The following TMEM161B variants were observed in gnomAD, a reference collection of about 807,000 sequenced individuals.
TMEM161B encodes the protein transmembrane protein 161B.
A neutral mutation model predicts 61.8 loss-of-function variants in TMEM161B; 34 were observed. The ratio of observed to expected loss-of-function variants is 0.55; its 90% CI spans 0.42 to 0.73. The LOEUF (loss-of-function observed/expected upper bound fraction) is 0.73. Ranked by LOEUF, TMEM161B falls within the 30% of genes least tolerant of loss-of-function variation. TMEM161B has a pLI of 0.00. For missense variants in TMEM161B, 456 were observed against 558.5 expected (o/e 0.82, Z 1.85); for synonymous variants, 167 against 192.8 (o/e 0.87, Z 1.11).
intron 9 of TMEM161B, chr5:88,202,336 A>T (rs1459005661): frequency 3.9e-6 from 1 of 259,412 alleles, no homozygotes; most frequent in Non-Finnish European, 7.8e-6. Context: ...ACAGTTGCCT[A>T]ACTGTAGAAA....
chr5:88,211,516 T>C (rs1157546998), intron 5 of TMEM161B, among the ~76,000 whole-genome samples: 1 of 151,242 alleles, frequency 6.6e-6, no homozygotes, highest in African/African-American at 2.4e-5. Context: ...TCCCAGCACT[T>C]TGGGAGGCTG....
chr5:88,229,683 G>A (rs1750658427), intron 2 of TMEM161B, among the ~76,000 whole-genome samples: 2 of 147,520 alleles, frequency 1.4e-5, no homozygotes, highest in South Asian at 4.5e-4. Context: ...TATCTAGTAT[G>A]CTAGACCCCC....
intron 4 of TMEM161B, 28 bp from the exon 5 acceptor site, chr5:88,220,747 A>AAAAAAAAAAAAAAAAAAAC: frequency 6.6e-7 from 1 of 1,511,688 alleles, no homozygotes; most frequent in Non-Finnish European, 8.8e-7. Flanking sequence ...AAAAAAAAAA[A>AAAAAAAAAAAAAAAAAAAC]AAAAGGTCAA....
intron 1 of TMEM161B, among the ~76,000 whole-genome samples, chr5:88,249,542 T>C (rs1754058757): frequency 6.6e-6 from 1 of 152,154 alleles, no homozygotes; most frequent in African/African-American, 2.4e-5. Flanking sequence ...AAAAACTTTT[T>C]TTAAAACTCA....
intron 2 of TMEM161B, among the ~76,000 whole-genome samples, chr5:88,228,730 T>TA (rs1191800266): frequency 6.6e-6 from 1 of 152,146 alleles, no homozygotes; most frequent in Admixed American, 6.5e-5. Context: ...ACCAACCACT[T>TA]ACTAGATGCC....
intron 2 of TMEM161B, among the ~76,000 whole-genome samples, chr5:88,230,089 G>A (rs1750738106): frequency 6.6e-6 from 1 of 152,038 alleles, no homozygotes. Flanking sequence ...GAGAGGGTGA[G>A]GTGGGAGGAC....
intron 8 of TMEM161B, among the ~76,000 whole-genome samples, chr5:88,204,144 G>A (rs1410436855): frequency 1.3e-5 from 2 of 151,932 alleles, no homozygotes; most frequent in Non-Finnish European, 2.9e-5. Context: ...GGGAAAGGCA[G>A]AACTCCCGCT....
chr5:88,202,458 C>A, intron 9 of TMEM161B: 1 of 180,396 alleles, frequency 5.5e-6, no homozygotes, highest in Non-Finnish European at 1.2e-5. Context: ...GAGGTGCAAA[C>A]TAAAGAAAGT....
chr5:88,193,926 G>A (rs976801079), downstream of TMEM161B, among the ~76,000 whole-genome samples: 1 of 152,090 alleles, frequency 6.6e-6, no homozygotes, highest in East Asian at 1.9e-4. Context: ...CACATGAAGC[G>A]TCATTAGGAT....
chr5:88,236,828 A>G (rs994482804), intron 2 of TMEM161B, among the ~76,000 whole-genome samples: 8 of 152,198 alleles, frequency 5.3e-5, no homozygotes, highest in Non-Finnish European at 1.2e-4. Context: ...AACCTATAGG[A>G]TATATTCTAA....
At chr5:88,246,028 G>A (rs975043349) in intron 1 of TMEM161B, among the ~76,000 whole-genome samples, 1 of 151,760 alleles carries the variant, frequency 6.6e-6, no homozygotes, top group East Asian at 1.9e-4. Flanking sequence ...TAAACAGAAT[G>A]ACCCAAAGAA....
intron 1 of TMEM161B, among the ~76,000 whole-genome samples, chr5:88,241,799 G>A (rs570744428): frequency 1.3e-5 from 2 of 151,610 alleles, no homozygotes; most frequent in East Asian, 1.9e-4. Flanking sequence ...CCCTTCAAAC[G>A]TCTAACTCTC....
intron 1 of TMEM161B, among the ~76,000 whole-genome samples, chr5:88,248,756 T>A (rs1404291961): frequency 6.7e-6 from 1 of 148,992 alleles, no homozygotes; most frequent in Non-Finnish European, 1.5e-5. Context: ...AAAAACAAGA[T>A]CCAAGAAGAC....
chr5:88,197,356 T>C (rs1420465422), intron 11 of TMEM161B, among the ~76,000 whole-genome samples: 1 of 152,154 alleles, frequency 6.6e-6, no homozygotes, highest in Non-Finnish European at 1.5e-5. Context: ...TAACAAAACC[T>C]TAAATCATCC....
At chr5:88,259,553 T>C (rs999665859) in intron 1 of TMEM161B, among the ~76,000 whole-genome samples, 7 of 152,224 alleles carry the variant, frequency 4.6e-5, no homozygotes, top group African/African-American at 1.7e-4. Flanking sequence ...TCATCAGTGT[T>C]ACTAGAAGTG....
chr5:88,185,969 T>C (rs1020430915), downstream of TMEM161B, among the ~76,000 whole-genome samples: 1 of 152,130 alleles, frequency 6.6e-6, no homozygotes, highest in Non-Finnish European at 1.5e-5. Flanking sequence ...ACCAGGAAAA[T>C]GCTCTTCCAC....
Position 88,220,514 on chromosome 5 carries a change from T to C in TMEM161B, c.446+49A>G, listed in dbSNP as rs781773914. 8 of 1,409,206 alleles carry C rather than the reference T, an allele frequency of 5.7e-6. No individual in the cohort carries two copies. In the African/African-American group the frequency reaches 8.9e-5, roughly 16 times the overall value. The allele number at this position is 1,409,206 out of a possible 1,614,324, so 87.3% of individuals were successfully genotyped here. On this transcript the variant is annotated intron_variant, in intron 5 of 11. Coordinates refer to ENST00000296595, the MANE Select transcript of TMEM161B (RefSeq NM_153354.5). Reference sequence around the variant, plus strand: ...TTCTCAAATCAGAGATGAGATCTAATGGTGTTATCTGCAAAATAAATTAAT... The same window carrying C: ...TTCTCAAATCAGAGATGAGATCTAACGGTGTTATCTGCAAAATAAATTAAT...
intron 1 of TMEM161B, among the ~76,000 whole-genome samples, chr5:88,262,419 G>C (rs1755800188): frequency 6.6e-6 from 1 of 152,124 alleles, no homozygotes; most frequent in South Asian, 2.1e-4. Flanking sequence ...CAAAGGAACT[G>C]AAAACCTTTG....
chr5:88,196,563 T>C (rs1749683541), intron 11 of TMEM161B, 75 bp from the exon 12 acceptor site: 2 of 1,429,420 alleles, frequency 1.4e-6, no homozygotes, highest in East Asian at 2.4e-5. Context: ...AAAATCTTCC[T>C]ATATTTGAAA....
Sources: gnomAD v4.1 joint callset for allele counts (sites outside exome capture counted in the v4.1 genomes callset) on GRCh38, gnomAD v4.1.1 for gene constraint, MANE v1.5 for transcripts, NCBI Gene and HGNC (gene_info 2026-07-23, HGNC 2026-07-21) for gene names.